Variants in NRXN2 observed in about 807,000 individuals in gnomAD.
The protein encoded by NRXN2 is neurexin 2.
In NRXN2, 29 loss-of-function variants were observed where a neutral mutation model predicts 128.8. That is an observed-to-expected ratio of 0.23 (90% CI 0.17 to 0.31). The LOEUF (loss-of-function observed/expected upper bound fraction) is 0.31, where lower values mean the gene tolerates loss of function less well. NRXN2 is among the 10% of genes least tolerant of loss of function. The pLI, the probability that NRXN2 is intolerant of heterozygous loss-of-function variation, is 1.00. For synonymous variants in NRXN2, 1,098 were observed against 1,075.2 expected (o/e 1.02, Z -0.41); for missense variants, 1,881 against 2,452.6 (o/e 0.77, Z 4.92).
At position 64,713,559 on chromosome 11, in the gene NRXN2, C is replaced by A; in HGVS notation, c.141G>T (p.Ala47=). The A allele has an allele frequency of 7.1e-7, 1 of 1,417,174 alleles. No homozygotes were observed. The highest frequency in any genetic ancestry group is 1.4e-5 in the South Asian group (1 of 70,568). The allele number at this position is 1,417,174 out of a possible 1,614,324, so 87.8% of individuals were successfully genotyped here. A position where few individuals can be genotyped will look rare whatever the true frequency, so the allele number is the denominator to read the frequency against. ...QWARYARWAG[A]ASSGELSFSL... ...TGAAGCTGAGCTCGCCGCTGCTCGCCGCGCCCGCCCAGCGCGCGTAGCGAG... is the reference window on the plus strand; with the variant it reads ...TGAAGCTGAGCTCGCCGCTGCTCGCAGCGCCCGCCCAGCGCGCGTAGCGAG... The change falls in exon 2 of 23, where the codon GCG becomes GCT. Residue 47 remains alanine, a synonymous_variant. Coordinates refer to ENST00000265459, the MANE Select transcript of NRXN2 (RefSeq NM_015080.4).
chr11:64,695,726 A>ATG (rs2054407796), intron 3 of NRXN2, among the ~76,000 whole-genome samples: 1 of 151,498 alleles, frequency 6.6e-6, no homozygotes, highest in African/African-American at 2.4e-5. Flanking sequence ...GTATACACAC[A>ATG]CGCGCACACA....
chr11:64,718,808 T>G (rs1372992013), intron 1 of NRXN2, among the ~76,000 whole-genome samples: 1 of 152,088 alleles, frequency 6.6e-6, no homozygotes, highest in African/African-American at 2.4e-5. Context: ...ACCTCCCCCT[T>G]CCTTCCAGCC....
At chr11:64,612,577 TC>T (rs142047283) in intron 22 of NRXN2, among the ~76,000 whole-genome samples, 9,434 of 152,190 alleles carry the variant, frequency 0.062, 986 homozygotes, top group African/African-American at 0.21. Context: ...GATCTCCCCT[TC>T]CTCCCCAACT....
chr11:64,617,124 T>C (rs1197135075), intron 22 of NRXN2, among the ~76,000 whole-genome samples: 3 of 152,100 alleles, frequency 2.0e-5, no homozygotes, highest in Non-Finnish European at 4.4e-5. Context: ...CCTCTGTTGG[T>C]CTAGGTACAA....
chr11:64,688,273 C>T lies in NRXN2; in HGVS notation c.850+2132G>A, dbSNP rs1440898219. On this transcript the variant is annotated intron_variant, in intron 5 of 22. Coordinates refer to ENST00000265459, the MANE Select transcript of NRXN2 (RefSeq NM_015080.4). ...AGCTACTCTGGAGCCTGCGCCTCCA[C>T]GGGCTCCAGTCCCTTTACCACCGGA... 3 of 985,008 alleles carry T rather than the reference C, an allele frequency of 3.0e-6. No individual in the cohort carries two copies. The African/African-American group carries it at 5.2e-5, about 17-fold the overall frequency. The allele number at this position is 985,008 out of a possible 1,614,324, so 61.0% of individuals were successfully genotyped here. A position where few individuals can be genotyped will look rare whatever the true frequency, so the allele number is the denominator to read the frequency against.
rs1404038168 is a variant in NRXN2, at chr11:64,707,045, G to C, written c.730+5925C>G. Among the ~76,000 whole-genome samples the C allele has an allele frequency of 2.7e-5, 4 of 150,778 alleles. No individual in the cohort carries two copies. The East Asian group carries it at 5.9e-4, about 22-fold the overall frequency. ...CAGCTCACTGCGACCTCCACCTCCT[G>C]GGTTCAAGTGCCCAGCCATGTATCA... On this transcript the variant is annotated intron_variant, in intron 2 of 22. Transcript: ENST00000265459.
intron 22 of NRXN2, among the ~76,000 whole-genome samples, chr11:64,618,039 TC>T (rs1367949610): frequency 1.3e-5 from 2 of 152,106 alleles, no homozygotes; most frequent in Non-Finnish European, 2.9e-5. Flanking sequence ...CCACCCTTCA[TC>T]CTCTACTTGG....
chr11:64,678,691 G>C (rs2051713417), intron 6 of NRXN2, among the ~76,000 whole-genome samples: 1 of 152,026 alleles, frequency 6.6e-6, no homozygotes, highest in Admixed American at 6.6e-5. Context: ...CTGTCTTTGG[G>C]GAGGACATGT....
chr11:64,620,970 T>C (rs1224107913), intron 21 of NRXN2, among the ~76,000 whole-genome samples: 1 of 151,372 alleles, frequency 6.6e-6, no homozygotes, highest in African/African-American at 2.4e-5. Flanking sequence ...ATCCCCAAGA[T>C]GAGTGAGTGT....
rs1238899893 is a variant in NRXN2 at position 64,665,912 on chromosome 11, A to G, written c.1798+1338T>C. 2.6e-5 allele frequency among the ~76,000 whole-genome samples: 4 copies of G among 152,350 alleles called. No homozygotes were observed. The East Asian group carries it at 7.7e-4, about 29-fold the overall frequency. On this transcript the variant is annotated intron_variant, in intron 9 of 22. Transcript: ENST00000265459. The stretch of plus-strand genomic sequence containing the variant: ...AACAAGAAGAGAATGCAAAAGACTG[A>G]AATGAAGGGTAAAGAAGAGAGTGGC...
Position 64,623,267 on chromosome 11 carries a change from C to G in NRXN2, c.3848-189G>C. The G allele has an allele frequency of 7.5e-6, 8 of 1,060,912 alleles. No homozygotes were observed. The highest frequency in any genetic ancestry group is 3.4e-5 in the South Asian group (2 of 59,040). The allele number at this position is 1,060,912 out of a possible 1,614,324, so 65.7% of individuals were successfully genotyped here. The stretch of plus-strand genomic sequence containing the variant: ...AGGGAAAGTCCTTGTCAGCCACAGC[C>G]CCTAGCCCAGCCAGGTGGGGACCCC... On this transcript the variant is annotated intron_variant, in intron 20 of 22. Coordinates refer to ENST00000265459, the MANE Select transcript of NRXN2 (RefSeq NM_015080.4). This position sits in a 1 kb window ranked among gnomAD's most constrained non-coding sequence, Gnocchi z 4.9.
At chr11:64,671,506 C>A (rs937864546) in intron 7 of NRXN2, among the ~76,000 whole-genome samples, 1 of 152,106 alleles carries the variant, frequency 6.6e-6, no homozygotes, top group Non-Finnish European at 1.5e-5. Flanking sequence ...CTCCCCCCCA[C>A]GCATCTTCTG....
At position 64,622,914 on chromosome 11, in the gene NRXN2, G is replaced by A. The variant is rs768275228; in HGVS notation, c.4012C>T (p.Arg1338Cys). The A allele has an allele frequency of 4.3e-6, 7 of 1,613,216 alleles. No individual in the cohort carries two copies. The Admixed American group carries it at 5.0e-5, about 12-fold the overall frequency. The change falls in exon 21 of 23, where the codon CGC (arginine) becomes TGC (cysteine). Residue 1338 changes from arginine (R) to cysteine (C), a missense_variant. Around this residue, in one of 7 missense-constraint regions of NRXN2, gnomAD observed 108 missense variants for 165.2 expected, o/e 0.65. Transcript: ENST00000265459. This position sits in a 1 kb window ranked among gnomAD's most constrained non-coding sequence, Gnocchi z 4.3. ...ACGGACGGCCCCTCCCCCACCAGGC[G>A]CAGGTGACCCTCAGTCCGCACATTG... ...DPNVRTEGHL[R>C]LVGEGPSVLL...
intron 19 of NRXN2, among the ~76,000 whole-genome samples, chr11:64,627,282 G>A (rs1486116229): frequency 6.6e-6 from 1 of 151,730 alleles, no homozygotes; most frequent in Non-Finnish European, 1.5e-5. Flanking sequence ...CTTTCTACTG[G>A]GCAGCCACTA....
chr11:64,625,443 T>C (rs1284914036), intron 20 of NRXN2, among the ~76,000 whole-genome samples: 1 of 152,206 alleles, frequency 6.6e-6, no homozygotes, highest in African/African-American at 2.4e-5. Flanking sequence ...ACAGTCCCTT[T>C]AACTTTTTGT....
rs559460936 is a variant in NRXN2, at chr11:64,667,441, C to T, written c.1607G>A (p.Arg536Gln). ...GCTGCCAGCTCCACCCCCAGCCCGC[C>T]GGCCCTGGCTGAAGAGCAGCAGCCC... ...PNGLLLFSQG[R>Q]RAGGGAGSHS... is the part of the protein sequence containing the mutation. Residue 536 changes from arginine to glutamine, a missense_variant, in exon 9 of 23, where the codon CGG becomes CAG. Physicochemically the swap from Arg to Gln is conservative, Grantham distance 43 (BLOSUM62 1). Around this residue, in one of 7 missense-constraint regions of NRXN2, gnomAD observed 997 missense variants for 1,240.8 expected, o/e 0.80. Coordinates refer to ENST00000265459, the MANE Select transcript of NRXN2 (RefSeq NM_015080.4). The surrounding 1 kb of genome is among the most constrained non-coding windows in gnomAD (Gnocchi z 5.6). 9 of 1,614,140 alleles carry T rather than the reference C, an allele frequency of 5.6e-6. No homozygotes were observed. The highest frequency in any genetic ancestry group is 3.3e-5 in the South Asian group (3 of 91,078).
rs926137350 is a variant in NRXN2 at position 64,651,648 on chromosome 11, A to G, written c.2537-12T>C. 1 of 1,613,144 alleles carries G rather than the reference A, an allele frequency of 6.2e-7. No individual in the cohort carries two copies. The highest frequency in any genetic ancestry group is 1.1e-5 in the South Asian group (1 of 91,072). On this transcript the variant is annotated splice_polypyrimidine_tract_variant and intron_variant, in intron 13 of 22. Coordinates refer to ENST00000265459, the MANE Select transcript of NRXN2 (RefSeq NM_015080.4). The surrounding 1 kb of genome is among the most constrained non-coding windows in gnomAD (Gnocchi z 5.9). ...TCCTGCCATCTGTCCTGCTCAGGACAGGAGACCAAGATGAGGGGGATGGCT... is the reference window on the plus strand; with the variant it reads ...TCCTGCCATCTGTCCTGCTCAGGACGGGAGACCAAGATGAGGGGGATGGCT...
intron 2 of NRXN2, among the ~76,000 whole-genome samples, chr11:64,704,663 G>GAGAGAGAGAGAGAGAGAGAGAGAA: frequency 6.9e-6 from 1 of 144,702 alleles, no homozygotes; most frequent in South Asian, 2.2e-4. Context: ...GAGAGAGAGA[G>GAGAGAGAGAGAGAGAGAGAGAGAA]AGAGAGAGAT....
intron 11 of NRXN2, among the ~76,000 whole-genome samples, chr11:64,654,284 G>C (rs1591833359): frequency 6.6e-6 from 1 of 152,108 alleles, no homozygotes; most frequent in Admixed American, 6.5e-5. Flanking sequence ...CCAGTGGCTA[G>C]TACCACCCCT....
Sources: allele counts gnomAD v4.1 joint callset (sites outside exome capture counted in the v4.1 genomes callset), GRCh38; gene constraint gnomAD v4.1.1; regional missense constraint gnomAD v4.1.1; non-coding constraint Gnocchi (gnomAD v3.1); transcripts MANE v1.5; gene names NCBI Gene and HGNC (gene_info 2026-07-23, HGNC 2026-07-21).